Variants in FAM110B observed in about 807,000 individuals in gnomAD.
The protein encoded by FAM110B is protein FAM110B.
FAM110B carries 6 observed loss-of-function variants against 20.4 expected under a neutral mutation model. That is an observed-to-expected ratio of 0.29 (90% CI 0.16 to 0.58). The LOEUF is 0.58. FAM110B is among the 20% of genes least tolerant of loss of function. The pLI is 0.90. For synonymous variants in FAM110B, 226 were observed against 214.1 expected, an observed-to-expected ratio of 1.06 and a Z score of -0.49; for missense variants, 434 against 498.2, an observed-to-expected ratio of 0.87 and a Z score of 1.23.
chr8:58,098,091 C>G (rs1481017960), intron 3 of FAM110B, among the ~76,000 whole-genome samples: 1 of 152,234 alleles, frequency 6.6e-6, no homozygotes, highest in African/African-American at 2.4e-5. Flanking sequence ...ATCCACTGCT[C>G]TATTCAGAGC....
intron 1 of FAM110B, among the ~76,000 whole-genome samples, chr8:58,014,719 G>T (rs892588442): frequency 6.6e-6 from 1 of 152,082 alleles, no homozygotes; most frequent in South Asian, 2.1e-4. Context: ...TTTAATCTGT[G>T]TAGATTTTCA....
At chr8:58,111,106 T>A (rs1212868065) in intron 3 of FAM110B, among the ~76,000 whole-genome samples, 1 of 152,220 alleles carries the variant, frequency 6.6e-6, no homozygotes, top group Non-Finnish European at 1.5e-5. Context: ...AATGAATTAA[T>A]CCTTATAAAA....
intron 3 of FAM110B, among the ~76,000 whole-genome samples, chr8:58,115,706 T>C (rs1807191432): frequency 6.6e-6 from 1 of 152,174 alleles, no homozygotes; most frequent in South Asian, 2.1e-4. Flanking sequence ...ACCTTGGGAC[T>C]TTTGCCCATC....
intron 3 of FAM110B, among the ~76,000 whole-genome samples, chr8:58,081,911 T>A (rs568085319): frequency 6.6e-6 from 1 of 152,336 alleles, no homozygotes; most frequent in South Asian, 2.1e-4. Flanking sequence ...TTATAAGTAG[T>A]CTTGGAATTA....
intron 3 of FAM110B, among the ~76,000 whole-genome samples, chr8:58,112,206 G>T (rs970807538): frequency 6.6e-6 from 1 of 152,154 alleles, no homozygotes; most frequent in Non-Finnish European, 1.5e-5. Context: ...GTGCACACTT[G>T]TAGTTCCATC....
At chr8:58,071,753 A>G (rs1418527221) in intron 2 of FAM110B, among the ~76,000 whole-genome samples, 1 of 152,214 alleles carries the variant, frequency 6.6e-6, no homozygotes, top group African/African-American at 2.4e-5. Context: ...AGTATCGTCT[A>G]TAATAAGAAA....
At chr8:58,075,296 T>TGTGTGTGTGTG (rs1286749297) in intron 2 of FAM110B, among the ~76,000 whole-genome samples, 6 of 150,444 alleles carry the variant, frequency 4.0e-5, no homozygotes, top group African/African-American at 1.2e-4. Context: ...TGTGTGTGTG[T>TGTGTGTGTGTG]TTTGTAGATA....
intron 2 of FAM110B, among the ~76,000 whole-genome samples, chr8:58,060,738 C>T (rs6989882): frequency 6.6e-6 from 1 of 151,972 alleles, no homozygotes; most frequent in East Asian, 1.9e-4. Context: ...TTACAAAATG[C>T]AAAAAGATCT....
At chr8:58,117,660 A>C (rs954923755) in intron 3 of FAM110B, among the ~76,000 whole-genome samples, 7 of 152,170 alleles carry the variant, frequency 4.6e-5, no homozygotes, top group African/African-American at 1.7e-4. Context: ...CCCCTGCCTC[A>C]TAGAGTCATT....
Position 58,148,166 on chromosome 8 carries a change from GTTTTTTTTTTTT to G in FAM110B, c.*832_*843del, listed in dbSNP as rs377258015. On this transcript the variant is annotated 3_prime_UTR_variant, in exon 4 of 4. Coordinates refer to ENST00000519262, the MANE Select transcript of FAM110B (RefSeq NM_001377989.1). ...AAAAAAAAAAAAGTTGTGGTTTTTT[GTTTTTTTTTTTT>G]TTTTTTTTGGTCGAGAACTACTAAT... The G allele has an allele frequency of 2.1e-5, 2 of 93,982 alleles. No individual in the cohort carries two copies. The highest frequency in any genetic ancestry group is 7.8e-4 in the East Asian group (2 of 2,574). The allele number at this position is 93,982 out of a possible 1,614,324, so 5.8% of individuals were successfully genotyped here.
chr8:58,113,336 G>T, intron 3 of FAM110B: 1 of 216,152 alleles, frequency 4.6e-6, no homozygotes, highest in South Asian at 8.3e-5. Flanking sequence ...ATGCCCATGT[G>T]GACAGTTGTG....
At chr8:58,073,163 G>A (rs1358207384) in intron 2 of FAM110B, among the ~76,000 whole-genome samples, 2 of 152,176 alleles carry the variant, frequency 1.3e-5, no homozygotes. Flanking sequence ...CATATGCTAA[G>A]CTCTGTGCTA....
In FAM110B at chr8:58,130,504, T is replaced by C. The variant is rs78707616; in HGVS notation, c.-324-15403T>C. Among the ~76,000 whole-genome samples, 311 of 152,292 alleles carry C rather than the reference T, an allele frequency of 2.0e-3. 1 individual carries two copies. The highest frequency in any genetic ancestry group is 6.8e-3 in the Middle Eastern group (2 of 294). ...CCTCCTTATAGGCACAGTTTACATT[T>C]TCCCTTAGAATCCAACTATAAAATC... On this transcript the variant is annotated intron_variant, in intron 3 of 3. Transcript: ENST00000519262.
chr8:58,055,345 G>A (rs1457613679), intron 2 of FAM110B, among the ~76,000 whole-genome samples: 1 of 152,184 alleles, frequency 6.6e-6, no homozygotes, highest in East Asian at 1.9e-4. Context: ...TTAGCAGACT[G>A]TGTTGGAATA....
At chr8:58,071,469 T>G in intron 2 of FAM110B, among the ~76,000 whole-genome samples, 1 of 152,196 alleles carries the variant, frequency 6.6e-6, no homozygotes, top group Non-Finnish European at 1.5e-5. Context: ...TCAGGAATTA[T>G]TTCTCTGCTC....
chr8:58,062,390 T>A (rs1805674963), intron 2 of FAM110B, among the ~76,000 whole-genome samples: 1 of 152,188 alleles, frequency 6.6e-6, no homozygotes, highest in African/African-American at 2.4e-5. Flanking sequence ...TAGAGCTCAG[T>A]TTGCTTCAAG....
At chr8:58,087,905 T>G (rs185117872) in intron 3 of FAM110B, among the ~76,000 whole-genome samples, 104 of 152,296 alleles carry the variant, frequency 6.8e-4, no homozygotes, top group African/African-American at 2.4e-3. Flanking sequence ...AATATAAACA[T>G]GAGTAAATTA....
At chr8:58,069,475 A>G (rs979366465) in intron 2 of FAM110B, among the ~76,000 whole-genome samples, 2 of 152,216 alleles carry the variant, frequency 1.3e-5, no homozygotes, top group African/African-American at 4.8e-5. Context: ...TTTTTCACCC[A>G]CGTATGTATC....
intron 3 of FAM110B, among the ~76,000 whole-genome samples, chr8:58,092,711 G>A (rs931639564): frequency 1.3e-5 from 2 of 152,140 alleles, no homozygotes; most frequent in African/African-American, 2.4e-5. Flanking sequence ...CACATAATAT[G>A]TGCATGTGTC....
Sources: gnomAD v4.1 joint callset for allele counts (sites outside exome capture counted in the v4.1 genomes callset) on GRCh38, gnomAD v4.1.1 for gene constraint, MANE v1.5 for transcripts, NCBI Gene and HGNC (gene_info 2026-07-23, HGNC 2026-07-21) for gene names.